Variants in TADA2A observed in about 807,000 individuals in gnomAD.
The protein encoded by TADA2A is transcriptional adaptor 2A.
Under a neutral mutation model 67.4 loss-of-function variants are expected in TADA2A, and 38 were observed. The ratio of observed to expected loss-of-function variants is 0.56; its 90% CI spans 0.44 to 0.74. The LOEUF (loss-of-function observed/expected upper bound fraction) is 0.74, where lower values mean the gene tolerates loss of function less well. TADA2A is among the 30% of genes least tolerant of loss of function. The probability of loss-of-function intolerance (pLI) is 0.00; values close to 1 mark genes in which losing one functional copy is unlikely to be tolerated. For missense variants in TADA2A, 454 were observed against 547.0 expected (o/e 0.83, Z 1.70); for synonymous variants, 192 against 181.6 (o/e 1.06, Z -0.46).
intron 8 of TADA2A, among the ~76,000 whole-genome samples, chr17:37,453,880 C>T (rs2050093240): frequency 1.4e-5 from 2 of 147,090 alleles, no homozygotes; most frequent in Admixed American, 1.4e-4. Flanking sequence ...AAGAGATTCT[C>T]CTGCCTCAGC....
chr17:37,431,130 TA>T (rs2052555107), intron 4 of TADA2A, among the ~76,000 whole-genome samples: 2 of 152,150 alleles, frequency 1.3e-5, no homozygotes, highest in South Asian at 2.1e-4. Context: ...GTCTTCAGAT[TA>T]TTTTTTTTTT....
At chr17:37,417,340 C>T (rs2052082584) in intron 2 of TADA2A, among the ~76,000 whole-genome samples, 1 of 149,734 alleles carries the variant, frequency 6.7e-6, no homozygotes, top group South Asian at 2.1e-4. Flanking sequence ...CGCGCCACTG[C>T]ACTACAGCCT....
chr17:37,407,107 C>CCGGCGGGCGGGCAG (rs2051578821), intron 1 of TADA2A, 158 bp downstream of exon 1: 2 of 139,498 alleles, frequency 1.4e-5, no homozygotes, highest in African/African-American at 2.7e-5. Context: ...GGCTGGCGGG[C>CCGGCGGGCGGGCAG]CGGCGGGCGG....
intron 8 of TADA2A, among the ~76,000 whole-genome samples, chr17:37,453,920 G>A (rs539994916): frequency 3.3e-4 from 50 of 151,608 alleles, no homozygotes; most frequent in African/African-American, 1.2e-3. Context: ...ACAGGTGTCC[G>A]CTACCACACC....
intron 1 of TADA2A, chr17:37,408,444 T>A (rs1471058250): frequency 1.3e-5 from 2 of 152,076 alleles, no homozygotes; most frequent in Non-Finnish European, 2.9e-5. Context: ...AGAGACAGGG[T>A]TTCTACATGT....
At position 37,442,546 on chromosome 17, in the gene TADA2A, C is replaced by T. The variant is rs766877897; in HGVS notation, c.443-18C>T. The T allele has an allele frequency of 3.7e-6, 6 of 1,604,342 alleles. No homozygotes were observed. The East Asian group carries it at 8.9e-5, about 24-fold the overall frequency. Reference sequence around the variant, plus strand: ...AATATTGTATTAGTTAACTCAGAAACCTTCTAAATTCTTCCAGCTACAGAT... The same window carrying T: ...AATATTGTATTAGTTAACTCAGAAATCTTCTAAATTCTTCCAGCTACAGAT... On this transcript the variant is annotated intron_variant, in intron 6 of 15. Coordinates refer to ENST00000615182, the MANE Select transcript of TADA2A (RefSeq NM_001166105.3).
chr17:37,437,165 AAGCTC>A (rs2052753858), intron 4 of TADA2A, among the ~76,000 whole-genome samples: 4 of 109,332 alleles, frequency 3.7e-5, no homozygotes, highest in Non-Finnish European at 5.4e-5. Flanking sequence ...AGCTCACTGC[AAGCTC>A]CGCCTCCGCC....
chr17:37,426,722 G>A (rs1440529199), intron 3 of TADA2A: 3 of 346,698 alleles, frequency 8.7e-6, no homozygotes, highest in African/African-American at 4.4e-5. Flanking sequence ...GCCCACACCT[G>A]TAATCTTAGC....
chr17:37,447,630 TAAC>T (rs1277929554), intron 8 of TADA2A, among the ~76,000 whole-genome samples: 1 of 152,100 alleles, frequency 6.6e-6, no homozygotes, highest in African/African-American at 2.4e-5. Flanking sequence ...AAAAAGATGA[TAAC>T]AGTTTAAAGA....
At chr17:37,438,183 T>C (rs894107249) in intron 5 of TADA2A, 5 of 173,196 alleles carry the variant, frequency 2.9e-5, no homozygotes, top group African/African-American at 1.2e-4. Context: ...GATGCCCTAG[T>C]CATTTAAGTG....
chr17:37,455,264 G>T (rs887874844), intron 8 of TADA2A, among the ~76,000 whole-genome samples: 2 of 149,588 alleles, frequency 1.3e-5, no homozygotes, highest in Non-Finnish European at 2.9e-5. Flanking sequence ...TTCTTCTAGC[G>T]TTGTTACTAT....
chr17:37,458,375 T>A (rs745491703), intron 8 of TADA2A, 149 bp from the exon 9 acceptor site: 22 of 360,804 alleles, frequency 6.1e-5, no homozygotes, highest in Non-Finnish European at 9.8e-5. Context: ...GCTGGAATAT[T>A]TTTATGTTTT....
At chr17:37,474,297 A>AC (rs1229780240) in intron 14 of TADA2A, among the ~76,000 whole-genome samples, 4 of 152,158 alleles carry the variant, frequency 2.6e-5, no homozygotes, top group African/African-American at 9.7e-5. Flanking sequence ...ATTTGATGCT[A>AC]AGGTATGTGT....
intron 8 of TADA2A, among the ~76,000 whole-genome samples, chr17:37,455,314 TAAA>T (rs35483722): frequency 1.4e-5 from 2 of 138,884 alleles, no homozygotes; most frequent in Non-Finnish European, 3.1e-5. Flanking sequence ...TTCTGGTTAT[TAAA>T]AAAAAAAAAA....
In TADA2A at chr17:37,474,550, C is replaced by G; in HGVS notation, c.1073-6C>G. 6.2e-7 allele frequency: 1 copy of G among 1,613,132 alleles called. No homozygotes were observed. Among genetic ancestry groups the G allele is most frequent in the Non-Finnish European group, 8.5e-7 (1 of 1,179,634 alleles). On this transcript the variant is annotated splice_region_variant and splice_polypyrimidine_tract_variant and intron_variant, in intron 14 of 15. Coordinates refer to ENST00000615182, the MANE Select transcript of TADA2A (RefSeq NM_001166105.3). Reference sequence around the variant, plus strand: ...AATCTATGCTGTTTCCTTTCTCTGTCTATAGGTAGACGGAGTGCACCACCC... The same window carrying G: ...AATCTATGCTGTTTCCTTTCTCTGTGTATAGGTAGACGGAGTGCACCACCC...
rs1031528669 is a variant in TADA2A at position 37,444,806 on chromosome 17, A to G, written c.604+38A>G. 6 of 1,571,596 alleles carry G rather than the reference A, an allele frequency of 3.8e-6. No homozygotes were observed. In the African/African-American group the frequency reaches 5.4e-5, roughly 14 times the overall value. ...TTTGTCAAATGTTTATCGAGCGCCA[A>G]CTGTGTGATGACACTGTCTTGGGTG... On this transcript the variant is annotated intron_variant, in intron 8 of 15. Coordinates refer to ENST00000615182, the MANE Select transcript of TADA2A (RefSeq NM_001166105.3).
rs554183574 is a variant in TADA2A at position 37,413,055 on chromosome 17, T to A, written c.25+1665T>A. Among the ~76,000 whole-genome samples the A allele has an allele frequency of 3.6e-4, 54 of 151,944 alleles. No homozygotes were observed. In the East Asian group the frequency reaches 0.01, roughly 29 times the overall value. On this transcript the variant is annotated intron_variant, in intron 2 of 15. Coordinates refer to ENST00000615182, the MANE Select transcript of TADA2A (RefSeq NM_001166105.3). Reference sequence around the variant, plus strand: ...CAATTCTCCGTCTCAGCCTCCCGAGTAGCTGGGAGTATAGGCGTCTGCCAC... The same window carrying A: ...CAATTCTCCGTCTCAGCCTCCCGAGAAGCTGGGAGTATAGGCGTCTGCCAC...
intron 8 of TADA2A, among the ~76,000 whole-genome samples, chr17:37,449,437 C>T (rs1032697030): frequency 6.6e-6 from 1 of 152,082 alleles, no homozygotes; most frequent in Admixed American, 6.6e-5. Context: ...TATATTAAGT[C>T]ATTTAATCCT....
At chr17:37,468,483 C>G (rs928728592) in intron 12 of TADA2A, among the ~76,000 whole-genome samples, 3 of 152,066 alleles carry the variant, frequency 2.0e-5, no homozygotes, top group African/African-American at 4.8e-5. Flanking sequence ...TTTTGGCTCT[C>G]CAGCTTGCCA....
Sources: allele counts gnomAD v4.1 joint callset (sites outside exome capture counted in the v4.1 genomes callset), GRCh38; gene constraint gnomAD v4.1.1; transcripts MANE v1.5; gene names NCBI Gene and HGNC (gene_info 2026-07-23, HGNC 2026-07-21).